PDE4B: variants seen among roughly 807,000 people sequenced by gnomAD.
PDE4B encodes the protein 3',5'-cyclic-AMP phosphodiesterase 4B.
In PDE4B, 20 loss-of-function variants were observed where a neutral mutation model predicts 82.2. The ratio of observed to expected loss-of-function variants is 0.24; its 90% confidence interval spans 0.17 to 0.35. The LOEUF is 0.35. PDE4B is among the 10% of genes least tolerant of loss of function. The pLI is 1.00. For synonymous variants in PDE4B, 320 were observed against 318.9 expected (o/e 1.00, Z -0.04); for missense variants, 655 against 907.2 (o/e 0.72, Z 3.57).
chr1:65,975,452 TG>T (rs1353422716), intron 3 of PDE4B, among the ~76,000 whole-genome samples: 1 of 152,158 alleles, frequency 6.6e-6, no homozygotes, highest in African/African-American at 2.4e-5. Context: ...AGCCTGGCCA[TG>T]TGGTAGAAAA....
Position 65,821,295 on chromosome 1 carries a change from T to G in PDE4B, c.-71+28047T>G, listed in dbSNP as rs1164302030. ...TAATTGCCATAGCAACAGTTATCCC[T>G]TCCAATGCTGTTAAGTACAAGGGTG... On this transcript the variant is annotated intron_variant, in intron 1 of 16. Transcript: ENST00000341517. 2.0e-5 allele frequency among the ~76,000 whole-genome samples: 3 copies of G among 152,258 alleles called. No homozygotes were observed. The South Asian group carries it at 6.2e-4, about 32-fold the overall frequency.
chr1:65,807,411 T>C (rs1645766105), intron 1 of PDE4B, among the ~76,000 whole-genome samples: 1 of 152,258 alleles, frequency 6.6e-6, no homozygotes, highest in Admixed American at 6.5e-5. Flanking sequence ...CATTCTCTAA[T>C]GATGAATATT....
intron 1 of PDE4B, among the ~76,000 whole-genome samples, chr1:65,842,024 T>G (rs552148847): frequency 2.0e-5 from 3 of 152,214 alleles, no homozygotes; most frequent in Non-Finnish European, 4.4e-5. Flanking sequence ...CAACTTAGTC[T>G]TTCCCTTCGA....
At chr1:65,881,308 A>G (rs748306823) in intron 1 of PDE4B, among the ~76,000 whole-genome samples, 15 of 152,146 alleles carry the variant, frequency 9.9e-5, no homozygotes, top group Non-Finnish European at 2.2e-4. Context: ...GGCAGCCTGC[A>G]TTCAGTTACT....
chr1:65,860,040 TA>T (rs2100250784), intron 1 of PDE4B, among the ~76,000 whole-genome samples: 1 of 152,330 alleles, frequency 6.6e-6, no homozygotes, highest in Admixed American at 6.5e-5. Context: ...CTCTGTTTTT[TA>T]AAATTTTTCT....
At chr1:66,329,100 C>T (rs558036096) in intron 7 of PDE4B, among the ~76,000 whole-genome samples, 19 of 152,318 alleles carry the variant, frequency 1.2e-4, no homozygotes, top group African/African-American at 4.6e-4. Flanking sequence ...GAGTAGCCAG[C>T]TGCTGGTGAG....
At chr1:65,917,267 G>C (rs1195215083) in intron 2 of PDE4B, among the ~76,000 whole-genome samples, 1 of 152,156 alleles carries the variant, frequency 6.6e-6, no homozygotes, top group Non-Finnish European at 1.5e-5. Context: ...TAGGGGCCGT[G>C]GGGTAGAGGA....
At chr1:66,264,734 A>G (rs968914450) in intron 6 of PDE4B, among the ~76,000 whole-genome samples, 2 of 152,222 alleles carry the variant, frequency 1.3e-5, no homozygotes, top group African/African-American at 4.8e-5. Flanking sequence ...TCAGAGCAGT[A>G]GAAAAACCTA....
chr1:66,108,240 C>T (rs1233000973), intron 3 of PDE4B, among the ~76,000 whole-genome samples: 1 of 151,884 alleles, frequency 6.6e-6, no homozygotes, highest in South Asian at 2.1e-4. Flanking sequence ...CACCCCAGTC[C>T]CTGGTAGCCA....
chr1:66,167,234 C>T (rs1204007804), intron 3 of PDE4B, among the ~76,000 whole-genome samples: 1 of 151,994 alleles, frequency 6.6e-6, no homozygotes, highest in African/African-American at 2.4e-5. Context: ...TAAATTCATG[C>T]AAAAACCTGT....
At chr1:65,985,927 G>T (rs967161635) in intron 3 of PDE4B, among the ~76,000 whole-genome samples, 1 of 151,822 alleles carries the variant, frequency 6.6e-6, no homozygotes, top group Non-Finnish European at 1.5e-5. Flanking sequence ...TTTGCACTGC[G>T]GCAGGAATGT....
chr1:66,154,669 A>G (rs1469820099), intron 3 of PDE4B, among the ~76,000 whole-genome samples: 1 of 152,234 alleles, frequency 6.6e-6, no homozygotes, highest in Non-Finnish European at 1.5e-5. Context: ...AGGTGGCTAC[A>G]CATGCTCCAA....
intron 1 of PDE4B, among the ~76,000 whole-genome samples, chr1:65,804,689 G>T (rs1334681514): frequency 6.6e-6 from 1 of 152,034 alleles, no homozygotes; most frequent in East Asian, 1.9e-4. Context: ...TTTCCAAATG[G>T]ATAATTTTCT....
intron 2 of PDE4B, among the ~76,000 whole-genome samples, chr1:65,917,624 A>G (rs1344832756): frequency 2.0e-5 from 3 of 152,224 alleles, no homozygotes; most frequent in Non-Finnish European, 2.9e-5. Context: ...GGAAGAATAA[A>G]TAACTTGTAT....
intron 3 of PDE4B, among the ~76,000 whole-genome samples, chr1:65,983,558 T>C (rs968283371): frequency 7.2e-5 from 11 of 152,158 alleles, no homozygotes; most frequent in African/African-American, 9.7e-5. Context: ...ACTGGTATCT[T>C]TATTAAAAAC....
chr1:66,315,007 ATGACAAC>A (rs1658931414), intron 7 of PDE4B, among the ~76,000 whole-genome samples: 1 of 152,180 alleles, frequency 6.6e-6, no homozygotes, highest in Non-Finnish European at 1.5e-5. Context: ...CTTGAGGACA[ATGACAAC>A]TGTGTCTTTC....
Position 65,907,196 on chromosome 1 carries a change from A to G in PDE4B, c.-70-6049A>G, listed in dbSNP as rs533379316. Among the ~76,000 whole-genome samples the G allele has an allele frequency of 6.0e-4, 92 of 152,304 alleles. No homozygotes were observed. The South Asian group carries it at 0.018, about 30-fold the overall frequency. On this transcript the variant is annotated intron_variant, in intron 1 of 16. Transcript: ENST00000341517. ...CTCTGTTTATCTCCATCATATTAAA[A>G]TAAGAAAGCAGCAATAACTGAGTGC...
At chr1:66,217,515 C>T (rs892961597) in intron 3 of PDE4B, among the ~76,000 whole-genome samples, 1 of 152,104 alleles carries the variant, frequency 6.6e-6, no homozygotes, top group African/African-American at 2.4e-5. Flanking sequence ...TTGATGTCTC[C>T]TGTTGGCTGA....
At chr1:66,035,497 C>A (rs1654014030) in intron 3 of PDE4B, among the ~76,000 whole-genome samples, 1 of 152,122 alleles carries the variant, frequency 6.6e-6, no homozygotes, top group African/African-American at 2.4e-5. Flanking sequence ...TCCCAACTCC[C>A]AGCCTCTGGT....
Sources: allele counts gnomAD v4.1 joint callset (sites outside exome capture counted in the v4.1 genomes callset), GRCh38; gene constraint gnomAD v4.1.1; transcripts MANE v1.5; gene names NCBI Gene and HGNC (gene_info 2026-07-23, HGNC 2026-07-21).